The following UBR1 variants were observed in gnomAD, a reference collection of about 807,000 sequenced individuals.
UBR1 encodes the protein ubiquitin protein ligase E3 component n-recognin 1.
A neutral mutation model predicts 242.1 loss-of-function variants in UBR1; 102 were observed. That is an observed-to-expected ratio of 0.42 (90% CI 0.36 to 0.50). UBR1 has a LOEUF of 0.50. Ranked by LOEUF, UBR1 falls within the 20% of genes least tolerant of loss-of-function variation. UBR1 has a pLI of 0.01. For missense variants in UBR1, 1,772 were observed against 2,101.8 expected, an observed-to-expected ratio of 0.84 and a Z score of 3.07; for synonymous variants, 675 against 684.8, an observed-to-expected ratio of 0.99 and a Z score of 0.22.
intron 29 of UBR1, among the ~76,000 whole-genome samples, chr15:43,015,451 C>G (rs1021787381): frequency 5.3e-5 from 8 of 151,990 alleles, no homozygotes; most frequent in African/African-American, 1.7e-4. Flanking sequence ...GCAGCATGCT[C>G]GTTAAGAGTC....
At chr15:43,050,430 C>G (rs1439398302) in intron 12 of UBR1, among the ~76,000 whole-genome samples, 1 of 152,022 alleles carries the variant, frequency 6.6e-6, no homozygotes, top group Non-Finnish European at 1.5e-5. Flanking sequence ...ATAAGTGAGG[C>G]CGGGTGCAGT....
chr15:43,031,287 C>T (rs1430063976), intron 20 of UBR1, among the ~76,000 whole-genome samples: 1 of 150,810 alleles, frequency 6.6e-6, no homozygotes, highest in Non-Finnish European at 1.5e-5. Flanking sequence ...TTTGGGCAAA[C>T]ACAATAATAG....
chr15:42,984,755 CT>C lies in UBR1; in HGVS notation c.4053+131del, dbSNP rs1315228049. ...GTTTCCTATAAGACTGATGCAGTTC[CT>C]TTTTTCCCCACTATAGAATTCTGCT... On this transcript the variant is annotated intron_variant, in intron 36 of 46. Coordinates refer to ENST00000290650, the MANE Select transcript of UBR1 (RefSeq NM_174916.3). 5.2e-5 allele frequency: 42 copies of C among 806,730 alleles called. No homozygotes were observed. The East Asian group carries it at 6.2e-4, about 12-fold the overall frequency. 50.0% of individuals were successfully genotyped at this position (806,730 alleles called of 1,614,324 possible).
chr15:43,017,757 C>T (rs1255579897), intron 27 of UBR1, among the ~76,000 whole-genome samples: 1 of 150,740 alleles, frequency 6.6e-6, no homozygotes, highest in Non-Finnish European at 1.5e-5. Flanking sequence ...TTGCAGTGAG[C>T]TGAGATTGTG....
At chr15:42,964,572 G>C (rs1476727903) in intron 41 of UBR1, among the ~76,000 whole-genome samples, 2 of 152,040 alleles carry the variant, frequency 1.3e-5, no homozygotes, top group African/African-American at 4.8e-5. Flanking sequence ...TCTCCTGATC[G>C]GATGGCTCTA....
chr15:43,039,119 T>C (rs2033382951), intron 15 of UBR1, among the ~76,000 whole-genome samples: 1 of 151,996 alleles, frequency 6.6e-6, no homozygotes, highest in Non-Finnish European at 1.5e-5. Context: ...TAAAAAGGCA[T>C]TTTTAATAAA....
In UBR1 at chr15:43,029,964, C is replaced by T. The variant is rs1186638304; in HGVS notation, c.2359G>A (p.Ala787Thr). The part of the protein sequence containing the change: ...CIEPMPHSAI[A>T]KNLPENENNE... ...CTTACATTCTCAGGTAAATTTTTGG[C>T]AATGGCACTGTGTGGCATGGGTTCA... The change falls in exon 21 of 47, where the codon GCC becomes ACC. Residue 787 changes from alanine to threonine, a missense_variant. Physicochemically the swap from Ala to Thr is moderately conservative, Grantham distance 58 (BLOSUM62 0). Coordinates refer to ENST00000290650, the MANE Select transcript of UBR1 (RefSeq NM_174916.3). 3.7e-6 allele frequency: 6 copies of T among 1,613,996 alleles called. No individual in the cohort carries two copies. Among genetic ancestry groups the T allele is most frequent in the Non-Finnish European group, 5.1e-6 (6 of 1,179,976 alleles).
intron 46 of UBR1, among the ~76,000 whole-genome samples, chr15:42,946,246 T>C (rs989205687): frequency 6.6e-6 from 1 of 152,122 alleles, no homozygotes; most frequent in Admixed American, 6.6e-5. Flanking sequence ...TGCCTCAGCC[T>C]CCAGAGTAGC....
chr15:43,054,955 T>TTAGAAAAACTCCAA, intron 11 of UBR1, 56 bp from the exon 12 acceptor site: 1 of 1,577,212 alleles, frequency 6.3e-7, no homozygotes, highest in Non-Finnish European at 8.7e-7. Flanking sequence ...GGTATGGACT[T>TTAGAAAAACTCCAA]AATTTATTCA....
chr15:42,968,865 G>C (rs559221881), intron 40 of UBR1, among the ~76,000 whole-genome samples: 2 of 152,082 alleles, frequency 1.3e-5, no homozygotes, highest in African/African-American at 2.4e-5. Context: ...TTTTATGGCT[G>C]TATGATATTC....
At chr15:42,970,669 T>C (rs2141262714) in intron 39 of UBR1, 62 bp from the exon 40 acceptor site, 1 of 1,431,304 alleles carries the variant, frequency 7.0e-7, no homozygotes, top group Non-Finnish European at 9.8e-7. Context: ...AATTAGACTT[T>C]AATTTCATTG....
chr15:43,075,476 A>C (rs2033876322), intron 3 of UBR1, among the ~76,000 whole-genome samples: 1 of 152,170 alleles, frequency 6.6e-6, no homozygotes, highest in Non-Finnish European at 1.5e-5. Context: ...TTTAGGGTAC[A>C]TGTGCACATT....
chr15:43,036,425 G>A, intron 18 of UBR1, 103 bp downstream of exon 18: 1 of 1,189,734 alleles, frequency 8.4e-7, no homozygotes. Context: ...GTTTAACAGT[G>A]AGAGTATTTT....
At chr15:43,084,693 T>C (rs964154184) in intron 2 of UBR1, among the ~76,000 whole-genome samples, 1 of 152,166 alleles carries the variant, frequency 6.6e-6, no homozygotes, top group Non-Finnish European at 1.5e-5. Context: ...GACCTCGTGA[T>C]CCACCTGCCT....
intron 31 of UBR1, among the ~76,000 whole-genome samples, chr15:43,003,058 A>T (rs1425811964): frequency 6.6e-6 from 1 of 152,186 alleles, no homozygotes; most frequent in Admixed American, 6.5e-5. Context: ...TATATATTGT[A>T]ATCTAAAGCC....
intron 43 of UBR1, among the ~76,000 whole-genome samples, chr15:42,959,020 G>A (rs1280071744): frequency 1.3e-5 from 2 of 151,664 alleles, no homozygotes; most frequent in Non-Finnish European, 2.9e-5. Context: ...TACTAGAGAC[G>A]GGGTTTCGTC....
At chr15:43,058,184 A>T (rs2033641333) in intron 10 of UBR1, among the ~76,000 whole-genome samples, 157 bp downstream of exon 10, 1 of 152,210 alleles carries the variant, frequency 6.6e-6, no homozygotes, top group South Asian at 2.1e-4. Flanking sequence ...TGCTGGGATT[A>T]CAGGCGTGAG....
Position 43,070,877 on chromosome 15 carries a change from T to C in UBR1, c.577A>G (p.Ile193Val). Residue 193 changes from isoleucine to valine, a missense_variant, in exon 5 of 47, where the codon ATA (isoleucine) becomes GTA (valine). Coordinates refer to ENST00000290650, the MANE Select transcript of UBR1 (RefSeq NM_174916.3). ...ACATATTTTATCACTGAAGGAAATA[T>C]TTTCCTGGCTTGGACAATTACCTCT... ...NEEVIVQARK[I>V]FPSVIKYVVE... 6.2e-7 allele frequency: 1 copy of C among 1,613,842 alleles called. No individual in the cohort carries two copies. The highest frequency in any genetic ancestry group is 8.5e-7 in the Non-Finnish European group (1 of 1,179,990).
At position 43,032,648 on chromosome 15, in the gene UBR1, G is replaced by C; in HGVS notation, c.2191-17C>G. 1 of 1,454,732 alleles carries C rather than the reference G, an allele frequency of 6.9e-7. No homozygotes were observed. Among genetic ancestry groups the C allele is most frequent in the Non-Finnish European group, 9.5e-7 (1 of 1,049,570 alleles). 90.1% of individuals were successfully genotyped at this position (1,454,732 alleles called of 1,614,324 possible). On this transcript the variant is annotated splice_polypyrimidine_tract_variant and intron_variant, in intron 19 of 46. Transcript: ENST00000290650. Reference sequence around the variant, plus strand: ...AATCAAATCCTATAGAATCGAAAAAGAGTAAATTAGTTATGGAAGAACCAA... The same window carrying C: ...AATCAAATCCTATAGAATCGAAAAACAGTAAATTAGTTATGGAAGAACCAA...
Sources: gnomAD v4.1 joint callset for allele counts (sites outside exome capture counted in the v4.1 genomes callset) on GRCh38, gnomAD v4.1.1 for gene constraint, MANE v1.5 for transcripts, NCBI Gene and HGNC (gene_info 2026-07-23, HGNC 2026-07-21) for gene names.